The following BTAF1 variants were observed in gnomAD, a reference collection of about 807,000 sequenced individuals.
BTAF1 encodes the protein TATA-binding protein-associated factor 172.
In BTAF1, 38 loss-of-function variants were observed where a neutral mutation model predicts 227.1. The observed-to-expected ratio is 0.17, with a 90% CI of 0.13 to 0.22. The LOEUF is 0.22. Among genes scored for constraint, BTAF1 ranks in the 10% least tolerant of loss-of-function variants. The pLI, the probability that BTAF1 is intolerant of heterozygous loss-of-function variation, is 1.00. For synonymous variants in BTAF1, 742 were observed against 751.9 expected, an observed-to-expected ratio of 0.99 and a Z score of 0.21; for missense variants, 1,598 against 2,204.0, an observed-to-expected ratio of 0.73 and a Z score of 5.51.
chr10:91,982,653 A>AT lies in BTAF1; in HGVS notation c.2115_2116insT (p.Pro706SerfsTer3). ...TAAATGTGGTAACTCAAGAAATTAA[A>AT]CCAGCTGAATCCCTGGGCCAGTTAC... On this transcript the variant is annotated frameshift_variant, in exon 18 of 38. Coordinates refer to ENST00000265990, the MANE Select transcript of BTAF1 (RefSeq NM_003972.3). LOFTEE classifies it high-confidence loss of function. 1 of 1,613,910 alleles carries AT rather than the reference A, an allele frequency of 6.2e-7. No homozygotes were observed. Among genetic ancestry groups the AT allele is most frequent in the Non-Finnish European group, 8.5e-7 (1 of 1,179,888 alleles).
At chr10:91,951,698 T>C in intron 5 of BTAF1, 132 bp downstream of exon 5, 2 of 959,110 alleles carry the variant, frequency 2.1e-6, no homozygotes, top group East Asian at 3.0e-5. Flanking sequence ...CACCATAATT[T>C]AGCATCTTTT....
chr10:91,986,864 G>T (rs765207590), intron 19 of BTAF1, among the ~76,000 whole-genome samples: 1 of 151,740 alleles, frequency 6.6e-6, no homozygotes, highest in Non-Finnish European at 1.5e-5. Flanking sequence ...TTCTGTAAGG[G>T]ACTTTTGAGG....
chr10:92,026,288 G>A (rs1468077713), intron 35 of BTAF1, among the ~76,000 whole-genome samples: 4 of 151,934 alleles, frequency 2.6e-5, no homozygotes, highest in Admixed American at 2.6e-4. Flanking sequence ...TTCATAGTTG[G>A]GTTTATCTTA....
rs2133792881 is a variant in BTAF1 at position 91,935,603 on chromosome 10, T to A, written c.15-54T>A. On this transcript the variant is annotated intron_variant, in intron 1 of 37. Coordinates refer to ENST00000265990, the MANE Select transcript of BTAF1 (RefSeq NM_003972.3). ...CTCAGTACGTTTATTGACTTAAACT[T>A]GTACATACGAGGAAAAGCATTTGAG... The A allele has an allele frequency of 5.6e-6, 9 of 1,593,074 alleles. No homozygotes were observed. The South Asian group carries it at 9.0e-5, about 16-fold the overall frequency.
chr10:91,935,521 C>T, intron 1 of BTAF1, 136 bp from the exon 2 acceptor site: 1 of 888,110 alleles, frequency 1.1e-6, no homozygotes, highest in Non-Finnish European at 1.6e-6. Context: ...CTTATTTCAC[C>T]ATAATGTCTT....
At chr10:91,963,049 TATTA>T (rs534781730) in intron 12 of BTAF1, among the ~76,000 whole-genome samples, 2 of 151,926 alleles carry the variant, frequency 1.3e-5, no homozygotes, top group Non-Finnish European at 2.9e-5. Context: ...CTCCTCTCAT[TATTA>T]ATTATTAATT....
At chr10:92,008,612 G>A (rs1850103972) in intron 26 of BTAF1, among the ~76,000 whole-genome samples, 1 of 151,418 alleles carries the variant, frequency 6.6e-6, no homozygotes, top group Non-Finnish European at 1.5e-5. Context: ...GCCCCCCAAA[G>A]TGCTGGGATT....
intron 18 of BTAF1, among the ~76,000 whole-genome samples, 188 bp downstream of exon 18, chr10:91,982,949 A>G (rs1848167009): frequency 6.6e-6 from 1 of 152,244 alleles, no homozygotes; most frequent in South Asian, 2.1e-4. Context: ...CTTTTGTCTT[A>G]GAACCCCTAC....
intron 9 of BTAF1, 57 bp from the exon 10 acceptor site, chr10:91,959,718 ATGTGTGTGTG>A (rs5786980): frequency 3.5e-5 from 12 of 346,580 alleles, no homozygotes; most frequent in African/African-American, 2.1e-4. Flanking sequence ...TGTTAAAAAA[ATGTGTGTGTG>A]TGTGTGTGTG....
chr10:92,020,969 G>T (rs1851078407), intron 34 of BTAF1, among the ~76,000 whole-genome samples: 1 of 152,070 alleles, frequency 6.6e-6, no homozygotes, highest in African/African-American at 2.4e-5. Context: ...TGCTTAGGAA[G>T]TCTGCAACTT....
rs545475077 is a variant in BTAF1 at position 92,030,782 on chromosome 10, T to TA, written c.*1850dup. Among the ~76,000 whole-genome samples the TA allele has an allele frequency of 1.2e-4, 19 of 152,288 alleles. No individual in the cohort carries two copies. In the East Asian group the frequency reaches 1.9e-3, roughly 15 times the overall value. On this transcript the variant is annotated 3_prime_UTR_variant, in exon 38 of 38. Transcript: ENST00000265990. ...AGGAGTCAGAGCTGACAGGAAAACTTAGAGTGGCTATAACATTTTTAAAAT... is the reference window on the plus strand; with the variant it reads ...AGGAGTCAGAGCTGACAGGAAAACTTAAGAGTGGCTATAACATTTTTAAAAT...
intron 2 of BTAF1, among the ~76,000 whole-genome samples, chr10:91,939,315 TGA>T: frequency 6.6e-6 from 1 of 152,234 alleles, no homozygotes; most frequent in Non-Finnish European, 1.5e-5. Context: ...ATACTAAACT[TGA>T]GATTTTATAA....
chr10:92,004,093 TGTTGA>T (rs1046076479), intron 25 of BTAF1, among the ~76,000 whole-genome samples: 4 of 152,202 alleles, frequency 2.6e-5, no homozygotes, highest in Non-Finnish European at 4.4e-5. Context: ...ATTTTCTTTC[TGTTGA>T]GTTGAGTTCC....
intron 1 of BTAF1, among the ~76,000 whole-genome samples, chr10:91,925,128 TGG>T (rs1212445562): frequency 6.6e-6 from 1 of 152,188 alleles, no homozygotes; most frequent in Admixed American, 6.5e-5. Context: ...AAATAGTGTG[TGG>T]GAGAAGCCCA....
At chr10:91,935,212 T>C (rs1449003321) in intron 1 of BTAF1, 1 of 153,814 alleles carries the variant, frequency 6.5e-6, no homozygotes, top group African/African-American at 2.4e-5. Context: ...TAGCATATTA[T>C]TCACCTTAAA....
At chr10:91,975,199 T>G (rs1176181660) in intron 14 of BTAF1, among the ~76,000 whole-genome samples, 1 of 152,204 alleles carries the variant, frequency 6.6e-6, no homozygotes, top group Admixed American at 6.5e-5. Context: ...CATTCCAAAA[T>G]TTCAGTTACC....
chr10:91,952,696 C>T (rs749484443), intron 5 of BTAF1, among the ~76,000 whole-genome samples: 6 of 151,478 alleles, frequency 4.0e-5, no homozygotes, highest in Admixed American at 6.6e-5. Context: ...GTAACTTCTG[C>T]AGACAAGGGG....
At chr10:92,017,248 T>C (rs1242693259) in intron 33 of BTAF1, among the ~76,000 whole-genome samples, 1 of 152,172 alleles carries the variant, frequency 6.6e-6, no homozygotes, top group Non-Finnish European at 1.5e-5. Context: ...AAGGTGACAT[T>C]TGAGCAAAGA....
chr10:92,003,492 G>A (rs747130600), intron 25 of BTAF1, among the ~76,000 whole-genome samples: 3 of 152,186 alleles, frequency 2.0e-5, no homozygotes, highest in Non-Finnish European at 4.4e-5. Flanking sequence ...ATATAAGTGA[G>A]ATCACATATT....
Sources: gnomAD v4.1 joint callset for allele counts (sites outside exome capture counted in the v4.1 genomes callset) on GRCh38, gnomAD v4.1.1 for gene constraint, MANE v1.5 for transcripts, NCBI Gene and HGNC (gene_info 2026-07-23, HGNC 2026-07-21) for gene names.